Variants in NXPE1 observed in about 807,000 individuals in gnomAD.
NXPE1 encodes NXPE family member 1.
A neutral mutation model predicts 33.3 loss-of-function variants in NXPE1; 31 were observed. The ratio of observed to expected loss-of-function variants is 0.93; its 90% CI spans 0.70 to 1.26. The LOEUF (loss-of-function observed/expected upper bound fraction) is 1.26, where lower values mean the gene tolerates loss of function less well. NXPE1 is among the 50% of genes most tolerant of loss of function. NXPE1 has a pLI of 0.00. For synonymous variants in NXPE1, 229 were observed against 231.4 expected, an observed-to-expected ratio of 0.99 and a Z score of 0.09; for missense variants, 661 against 655.6, an observed-to-expected ratio of 1.01 and a Z score of -0.09.
chr11:114,522,770 A>C, intron 8 of NXPE1, 109 bp downstream of exon 8: 1 of 759,802 alleles, frequency 1.3e-6, no homozygotes, highest in Non-Finnish European at 2.2e-6. Context: ...AAATCCAGAG[A>C]GCCAAATGAA....
At chr11:114,528,865 CT>C in intron 6 of NXPE1, 1 of 647,432 alleles carries the variant, frequency 1.5e-6, no homozygotes. Context: ...TGTTTTCATC[CT>C]TACTAGGATT....
intron 5 of NXPE1, among the ~76,000 whole-genome samples, chr11:114,532,144 G>A (rs1025846267): frequency 6.6e-6 from 1 of 152,106 alleles, no homozygotes; most frequent in East Asian, 1.9e-4. Flanking sequence ...CCCCAGCATT[G>A]GGCAATAAAA....
At chr11:114,554,286 A>T (rs777699834) in intron 1 of NXPE1, 4 of 975,034 alleles carry the variant, frequency 4.1e-6, no homozygotes, top group Admixed American at 1.2e-4. Context: ...GTTCTCTGAT[A>T]TGTAAGCAGA....
At chr11:114,522,633 G>T in intron 8 of NXPE1, 130 bp from the exon 9 acceptor site, 1 of 796,408 alleles carries the variant, frequency 1.3e-6, no homozygotes, top group Non-Finnish European at 1.9e-6. Context: ...ACTCTCTAGG[G>T]TACAGTACCC....
downstream of NXPE1, among the ~76,000 whole-genome samples, chr11:114,521,037 T>G (rs1947199429): frequency 6.6e-6 from 1 of 152,212 alleles, no homozygotes; most frequent in African/African-American, 2.4e-5. Context: ...TCTGCCTTAT[T>G]TACTTATTTG....
chr11:114,543,831 T>C (rs575972216), intron 5 of NXPE1, among the ~76,000 whole-genome samples: 5 of 152,172 alleles, frequency 3.3e-5, no homozygotes, highest in Non-Finnish European at 7.4e-5. Flanking sequence ...CTACGTAGAA[T>C]CTACCCAAAG....
intron 4 of NXPE1, 57 bp from the exon 5 acceptor site, chr11:114,551,268 CAT>C: frequency 5.3e-6 from 7 of 1,312,910 alleles, no homozygotes; most frequent in Non-Finnish European, 7.2e-6. Flanking sequence ...TGTACTCACT[CAT>C]TATTTTATTT....
At chr11:114,527,116 T>G (rs995527469) in intron 7 of NXPE1, 4 of 152,362 alleles carry the variant, frequency 2.6e-5, no homozygotes, top group African/African-American at 9.6e-5. Flanking sequence ...CAGTGCTCAG[T>G]AAATGTTTGC....
intron 5 of NXPE1, among the ~76,000 whole-genome samples, chr11:114,546,848 C>T (rs1175949559): frequency 1.3e-5 from 2 of 152,022 alleles, no homozygotes; most frequent in African/African-American, 4.8e-5. Flanking sequence ...ACACAGGAAC[C>T]AATGGAAAGA....
At chr11:114,538,614 G>A (rs536763940) in intron 5 of NXPE1, among the ~76,000 whole-genome samples, 1 of 152,262 alleles carries the variant, frequency 6.6e-6, no homozygotes, top group East Asian at 1.9e-4. Flanking sequence ...TAAAAAGTGG[G>A]CGAAGGATAT....
chr11:114,519,267 G>A (rs1034301291), downstream of NXPE1, among the ~76,000 whole-genome samples: 1 of 152,134 alleles, frequency 6.6e-6, no homozygotes, highest in Non-Finnish European at 1.5e-5. Flanking sequence ...CACTGAATTC[G>A]TATTAATAAT....
At chr11:114,536,560 G>A (rs1001272423) in intron 5 of NXPE1, among the ~76,000 whole-genome samples, 4 of 152,160 alleles carry the variant, frequency 2.6e-5, no homozygotes, top group African/African-American at 9.6e-5. Flanking sequence ...AGAAAAGAGA[G>A]AAGAATCAAA....
intron 5 of NXPE1, among the ~76,000 whole-genome samples, chr11:114,546,487 A>T (rs978990779): frequency 1.4e-5 from 2 of 147,362 alleles, no homozygotes; most frequent in Admixed American, 6.8e-5. Flanking sequence ...TTTTTTTTAG[A>T]GATGGGGTTT....
intron 1 of NXPE1, among the ~76,000 whole-genome samples, chr11:114,558,322 T>C (rs1208871855): frequency 6.6e-6 from 1 of 152,168 alleles, no homozygotes; most frequent in Admixed American, 6.5e-5. Flanking sequence ...TTTATTTTAA[T>C]AGTGCTTTTA....
intron 5 of NXPE1, among the ~76,000 whole-genome samples, chr11:114,533,422 G>A (rs924253175): frequency 6.6e-6 from 1 of 152,190 alleles, no homozygotes; most frequent in Non-Finnish European, 1.5e-5. Flanking sequence ...CTCATGGGGA[G>A]TGCCGGACAG....
intron 5 of NXPE1, among the ~76,000 whole-genome samples, chr11:114,536,170 T>G (rs537439350): frequency 6.6e-6 from 1 of 152,334 alleles, no homozygotes; most frequent in Non-Finnish European, 1.5e-5. Flanking sequence ...AACAACCTGC[T>G]TCTGAATGAC....
intron 5 of NXPE1, among the ~76,000 whole-genome samples, chr11:114,541,538 C>A (rs147062040): frequency 8.7e-4 from 133 of 152,230 alleles, no homozygotes; most frequent in African/African-American, 3.0e-3. Context: ...GTCAGGAGGT[C>A]CTGAGAACAT....
chr11:114,531,769 C>A (rs1348393940), intron 5 of NXPE1, among the ~76,000 whole-genome samples: 4 of 152,150 alleles, frequency 2.6e-5, no homozygotes, highest in Admixed American at 2.6e-4. Flanking sequence ...CCTGAATTCC[C>A]CCAAACCACC....
At chr11:114,522,979 G>A (rs1358329989) in exon 8 of NXPE1, 1 of 1,613,656 alleles carries the variant, frequency 6.2e-7, no homozygotes, top group East Asian at 2.2e-5. Context: ...TCTTAATTGT[G>A]TCTAACTGAA....
Sources: gnomAD v4.1 joint callset for allele counts (sites outside exome capture counted in the v4.1 genomes callset) on GRCh38, gnomAD v4.1.1 for gene constraint, MANE v1.5 for transcripts, NCBI Gene and HGNC (gene_info 2026-07-23, HGNC 2026-07-21) for gene names.